The following ZNF804B variants were observed in gnomAD, a reference collection of about 807,000 sequenced individuals.
The protein encoded by ZNF804B is zinc finger protein 804B.
Under a neutral mutation model 101.4 loss-of-function variants are expected in ZNF804B, and 80 were observed. The ratio of observed to expected loss-of-function variants is 0.79; its 90% CI spans 0.66 to 0.95. The LOEUF (loss-of-function observed/expected upper bound fraction) is 0.95. Among genes scored for constraint, ZNF804B ranks in the 40% least tolerant of loss-of-function variants. The pLI is 0.00. For synonymous variants in ZNF804B, 622 were observed against 558.8 expected, an observed-to-expected ratio of 1.11 and a Z score of -1.59; for missense variants, 1,673 against 1,561.9, an observed-to-expected ratio of 1.07 and a Z score of -1.20.
chr7:89,309,045 A>G (rs953498632), intron 2 of ZNF804B, among the ~76,000 whole-genome samples: 1 of 152,130 alleles, frequency 6.6e-6, no homozygotes, highest in African/African-American at 2.4e-5. Flanking sequence ...ACATAAGTAT[A>G]TTGCCTGATA....
chr7:88,939,172 C>G (rs1046463198), intron 1 of ZNF804B, among the ~76,000 whole-genome samples: 1 of 151,908 alleles, frequency 6.6e-6, no homozygotes, highest in Non-Finnish European at 1.5e-5. Flanking sequence ...CCCTGGGATA[C>G]CAAAATTTAT....
intron 1 of ZNF804B, among the ~76,000 whole-genome samples, chr7:88,988,843 CA>C (rs1299177356): frequency 6.6e-6 from 1 of 152,030 alleles, no homozygotes; most frequent in Non-Finnish European, 1.5e-5. Flanking sequence ...CGAATTCATG[CA>C]AGAAGGATTT....
At chr7:88,823,438 A>G (rs1257140838) in intron 1 of ZNF804B, among the ~76,000 whole-genome samples, 1 of 152,136 alleles carries the variant, frequency 6.6e-6, no homozygotes, top group African/African-American at 2.4e-5. Flanking sequence ...ATACTGACAA[A>G]GGTGTTTGAC....
chr7:89,199,072 T>A (rs555048405), intron 1 of ZNF804B, among the ~76,000 whole-genome samples: 4 of 151,954 alleles, frequency 2.6e-5, no homozygotes, highest in African/African-American at 9.6e-5. Flanking sequence ...CCTCTCTTAG[T>A]TTGCAGCACA....
At chr7:88,983,142 A>G (rs1793715484) in intron 1 of ZNF804B, among the ~76,000 whole-genome samples, 1 of 152,032 alleles carries the variant, frequency 6.6e-6, no homozygotes, top group Non-Finnish European at 1.5e-5. Flanking sequence ...TCAGAAGTAC[A>G]ACTGTGGTCT....
At chr7:89,035,450 G>A (rs1419194228) in intron 1 of ZNF804B, among the ~76,000 whole-genome samples, 2 of 151,692 alleles carry the variant, frequency 1.3e-5, no homozygotes, top group East Asian at 1.9e-4. Flanking sequence ...AATCAGCTAC[G>A]TTGGCTTTTT....
chr7:88,915,339 A>G lies in ZNF804B; in HGVS notation c.108+155255A>G, dbSNP rs971848897. Among the ~76,000 whole-genome samples the G allele has an allele frequency of 1.6e-3, 247 of 152,210 alleles. 1 individual carries two copies. Among genetic ancestry groups the G allele is most frequent in the African/African-American group, 5.7e-3 (238 of 41,576 alleles). On this transcript the variant is annotated intron_variant, in intron 1 of 3. Coordinates refer to ENST00000333190, the MANE Select transcript of ZNF804B (RefSeq NM_181646.5). Reference sequence around the variant, plus strand: ...TCCAAAGGGACATATTTTCACAAACAGAATCAGTGACATATTAAAACTATA... The same window carrying G: ...TCCAAAGGGACATATTTTCACAAACGGAATCAGTGACATATTAAAACTATA...
At chr7:89,239,536 G>T (rs1332990350) in intron 2 of ZNF804B, among the ~76,000 whole-genome samples, 1 of 152,058 alleles carries the variant, frequency 6.6e-6, no homozygotes, top group Non-Finnish European at 1.5e-5. Context: ...TCACTGGCCA[G>T]TTTACTGTGC....
chr7:89,323,043 G>A (rs1790843806), intron 2 of ZNF804B, among the ~76,000 whole-genome samples: 1 of 152,226 alleles, frequency 6.6e-6, no homozygotes, highest in South Asian at 2.1e-4. Context: ...TGAGGGCGTA[G>A]CCTTCGTGAG....
At chr7:89,230,630 T>C (rs1562923559) in intron 2 of ZNF804B, among the ~76,000 whole-genome samples, 1 of 152,106 alleles carries the variant, frequency 6.6e-6, no homozygotes, top group African/African-American at 2.4e-5. Context: ...TGCACTAATA[T>C]AGTCAACTCT....
At chr7:88,828,252 T>C (rs1791076814) in intron 1 of ZNF804B, among the ~76,000 whole-genome samples, 1 of 152,168 alleles carries the variant, frequency 6.6e-6, no homozygotes, top group Non-Finnish European at 1.5e-5. Context: ...TTTGCAATTT[T>C]GACAAATTTA....
At chr7:89,091,860 T>C (rs2116326492) in intron 1 of ZNF804B, among the ~76,000 whole-genome samples, 1 of 152,332 alleles carries the variant, frequency 6.6e-6, no homozygotes, top group South Asian at 2.1e-4. Context: ...ATTCAGAGTC[T>C]TGTTTTACCT....
At chr7:88,863,644 A>T (rs1791683018) in intron 1 of ZNF804B, among the ~76,000 whole-genome samples, 1 of 152,258 alleles carries the variant, frequency 6.6e-6, no homozygotes, top group Admixed American at 6.5e-5. Flanking sequence ...GGTAAAAAGC[A>T]CAAAGCAGAG....
chr7:88,881,814 A>G (rs1406504), intron 1 of ZNF804B, among the ~76,000 whole-genome samples: 70,012 of 151,996 alleles, frequency 0.46, 18,149 homozygotes, highest in African/African-American at 0.7. Context: ...CTACATTACT[A>G]TGTACAACTT....
chr7:88,960,331 T>C (rs1178293031), intron 1 of ZNF804B, among the ~76,000 whole-genome samples: 1 of 151,292 alleles, frequency 6.6e-6, no homozygotes, highest in East Asian at 2.0e-4. Context: ...AGAACTATGA[T>C]GTAGTTTGAC....
intron 1 of ZNF804B, among the ~76,000 whole-genome samples, chr7:89,038,514 T>C (rs1374794498): frequency 6.6e-6 from 1 of 152,146 alleles, no homozygotes; most frequent in African/African-American, 2.4e-5. Flanking sequence ...TTGGGTTATT[T>C]GTTTTCTTGC....
At chr7:89,010,772 T>A (rs79976146) in intron 1 of ZNF804B, among the ~76,000 whole-genome samples, 1 of 152,304 alleles carries the variant, frequency 6.6e-6, no homozygotes, top group African/African-American at 2.4e-5. Flanking sequence ...TTATTTTGTG[T>A]TTCAAACCAG....
intron 1 of ZNF804B, among the ~76,000 whole-genome samples, chr7:88,819,969 A>G (rs906869729): frequency 6.6e-6 from 1 of 152,160 alleles, no homozygotes; most frequent in East Asian, 1.9e-4. Context: ...TTTTCAACAC[A>G]TTATAAATAT....
chr7:88,845,299 G>GCA lies in ZNF804B; in HGVS notation c.108+85216_108+85217insAC, dbSNP rs369657042. On this transcript the variant is annotated intron_variant, in intron 1 of 3. Coordinates refer to ENST00000333190, the MANE Select transcript of ZNF804B (RefSeq NM_181646.5). ...TGTGCGCACGCGCGCGCGCACGCGC[G>GCA]CGCACACACACACACACACACAATA... is the stretch of plus-strand genomic sequence containing the variant. Among the ~76,000 whole-genome samples the GCA allele has an allele frequency of 0.018, 2,431 of 138,498 alleles. 116 individuals carry two copies. In the East Asian group the frequency reaches 0.19, roughly 11 times the overall value. The allele number at this position is 138,498 out of a possible 152,430, so 90.9% of individuals were successfully genotyped here.
Sources: allele counts gnomAD v4.1 joint callset (sites outside exome capture counted in the v4.1 genomes callset), GRCh38; gene constraint gnomAD v4.1.1; transcripts MANE v1.5; gene names NCBI Gene and HGNC (gene_info 2026-07-23, HGNC 2026-07-21).